Variants in CDH18 observed in about 807,000 individuals in gnomAD.
The protein encoded by CDH18 is cadherin-18.
Under a neutral mutation model 67.9 loss-of-function variants are expected in CDH18, and 31 were observed. The ratio of observed to expected loss-of-function variants is 0.46; its 90% CI spans 0.34 to 0.62. The LOEUF (loss-of-function observed/expected upper bound fraction) is 0.62. Among genes scored for constraint, CDH18 ranks in the 20% least tolerant of loss-of-function variants. The pLI, the probability that CDH18 is intolerant of heterozygous loss-of-function variation, is 0.01. For synonymous variants in CDH18, 362 were observed against 347.2 expected (o/e 1.04, Z -0.48); for missense variants, 890 against 975.5 (o/e 0.91, Z 1.17).
At chr5:19,535,312 G>A (rs978171664) in intron 9 of CDH18, among the ~76,000 whole-genome samples, 9 of 151,970 alleles carry the variant, frequency 5.9e-5, no homozygotes, top group Admixed American at 2.0e-4. Flanking sequence ...TATTCCCTTC[G>A]CGAGCTAAGT....
intron 2 of CDH18, among the ~76,000 whole-genome samples, chr5:19,876,321 G>A (rs1391155913): frequency 6.6e-6 from 1 of 152,044 alleles, no homozygotes; most frequent in African/African-American, 2.4e-5. Context: ...CTAGGAGTCA[G>A]TCCCAAAGAA....
chr5:20,306,675 T>TCAAATTTTTTGGTCTG (rs139806571), intron 1 of CDH18, among the ~76,000 whole-genome samples: 5,746 of 152,278 alleles, frequency 0.038, 270 homozygotes, highest in African/African-American at 0.11. Context: ...CGTTAGTCCC[T>TCAAATTTTTTGGTCTG]GAAGACTTTC....
At chr5:19,754,237 C>A (rs1771231817) in intron 3 of CDH18, among the ~76,000 whole-genome samples, 1 of 152,080 alleles carries the variant, frequency 6.6e-6, no homozygotes, top group African/African-American at 2.4e-5. Context: ...AAGAATTCAC[C>A]AACCAAGTAT....
intron 2 of CDH18, among the ~76,000 whole-genome samples, chr5:20,155,379 G>C (rs1474924985): frequency 6.6e-6 from 1 of 152,052 alleles, no homozygotes; most frequent in Non-Finnish European, 1.5e-5. Context: ...ATTGAAAAAT[G>C]TCTGTACACG....
At chr5:19,924,025 C>T (rs904517023) in intron 2 of CDH18, among the ~76,000 whole-genome samples, 3 of 152,138 alleles carry the variant, frequency 2.0e-5, no homozygotes, top group Non-Finnish European at 4.4e-5. Context: ...CCGGTACTTT[C>T]TTGGAAGCAT....
intron 6 of CDH18, among the ~76,000 whole-genome samples, chr5:19,609,581 T>G (rs1351990413): frequency 2.0e-5 from 3 of 151,984 alleles, no homozygotes; most frequent in Admixed American, 2.0e-4. Flanking sequence ...TACTTCAAGA[T>G]AAAGGGATAA....
At chr5:20,406,726 A>C (rs541733426) in intron 1 of CDH18, among the ~76,000 whole-genome samples, 1 of 152,332 alleles carries the variant, frequency 6.6e-6, no homozygotes, top group Non-Finnish European at 1.5e-5. Flanking sequence ...TAAATTTTAG[A>C]GGATTCTTTG....
chr5:20,353,245 T>C (rs1741350219), intron 1 of CDH18, among the ~76,000 whole-genome samples: 1 of 152,168 alleles, frequency 6.6e-6, no homozygotes, highest in Non-Finnish European at 1.5e-5. Flanking sequence ...GCAGCTTACC[T>C]GTAAGTGCCC....
At chr5:20,018,393 CT>C (rs1738078478) in intron 2 of CDH18, among the ~76,000 whole-genome samples, 1 of 152,142 alleles carries the variant, frequency 6.6e-6, no homozygotes, top group Non-Finnish European at 1.5e-5. Context: ...CATGGCATGA[CT>C]TTTGCAAACA....
At chr5:19,633,415 AG>A in intron 5 of CDH18, among the ~76,000 whole-genome samples, 1 of 152,348 alleles carries the variant, frequency 6.6e-6, no homozygotes, top group South Asian at 2.1e-4. Context: ...AAATAAGTAC[AG>A]AAAACAGTTC....
intron 1 of CDH18, among the ~76,000 whole-genome samples, chr5:20,376,091 A>ATTTTTTTTTTTTTTTTTTTTTTTTT (rs562655039): frequency 0.015 from 723 of 49,760 alleles, 314 homozygotes; most frequent in Admixed American, 0.021. Context: ...AAAAGAAACA[A>ATTTTTTTTTTTTTTTTTTTTTTTTT]TTTTTTTTTT....
At chr5:20,288,328 T>C (rs1746842272) in intron 1 of CDH18, among the ~76,000 whole-genome samples, 3 of 151,728 alleles carry the variant, frequency 2.0e-5, no homozygotes, top group African/African-American at 7.2e-5. Context: ...AAAGGTTTAG[T>C]TGGAGTCAAA....
At chr5:19,690,122 A>T (rs1761665128) in intron 5 of CDH18, among the ~76,000 whole-genome samples, 1 of 151,452 alleles carries the variant, frequency 6.6e-6, no homozygotes, top group Non-Finnish European at 1.5e-5. Context: ...ACAGTGTAAT[A>T]AAACTACTAG....
chr5:19,756,574 T>C (rs543523470), intron 3 of CDH18, among the ~76,000 whole-genome samples: 1 of 152,334 alleles, frequency 6.6e-6, no homozygotes, highest in African/African-American at 2.4e-5. Flanking sequence ...ATACTGTTCT[T>C]TACCTCTGTT....
intron 1 of CDH18, among the ~76,000 whole-genome samples, chr5:20,301,536 C>T (rs921629729): frequency 2.6e-5 from 4 of 152,148 alleles, no homozygotes; most frequent in Non-Finnish European, 5.9e-5. Context: ...AAATCAGTAT[C>T]TACTCAAATT....
intron 2 of CDH18, among the ~76,000 whole-genome samples, chr5:19,972,312 A>T (rs1417669973): frequency 6.6e-6 from 1 of 152,000 alleles, no homozygotes; most frequent in Non-Finnish European, 1.5e-5. Flanking sequence ...TACTTGCAAA[A>T]CTATTAAAGT....
intron 1 of CDH18, among the ~76,000 whole-genome samples, chr5:20,540,712 G>A (rs1011964769): frequency 1.1e-4 from 16 of 152,200 alleles, no homozygotes; most frequent in South Asian, 6.2e-4. Context: ...AGCATCAGAT[G>A]TCAACTACGA....
intron 2 of CDH18, among the ~76,000 whole-genome samples, chr5:19,938,835 T>C (rs1794538881): frequency 6.6e-6 from 1 of 151,530 alleles, no homozygotes; most frequent in African/African-American, 2.4e-5. Context: ...ATTTTTAATG[T>C]ACTTAAATAC....
intron 2 of CDH18, among the ~76,000 whole-genome samples, chr5:19,957,301 T>C (rs1796341838): frequency 6.6e-6 from 1 of 151,364 alleles, no homozygotes. Flanking sequence ...CATGCATATA[T>C]GTATGTGTAT....
Sources: gnomAD v4.1 joint callset for allele counts (sites outside exome capture counted in the v4.1 genomes callset) on GRCh38, gnomAD v4.1.1 for gene constraint, MANE v1.5 for transcripts, NCBI Gene and HGNC (gene_info 2026-07-23, HGNC 2026-07-21) for gene names.